Variants in GALNT13 observed in about 807,000 individuals in gnomAD.
GALNT13 encodes polypeptide N-acetylgalactosaminyltransferase 13.
Under a neutral mutation model 64.2 loss-of-function variants are expected in GALNT13, and 28 were observed. The ratio of observed to expected loss-of-function variants is 0.44; its 90% confidence interval spans 0.32 to 0.60. The LOEUF is 0.60. Among genes scored for constraint, GALNT13 ranks in the 20% least tolerant of loss-of-function variants. The probability of loss-of-function intolerance (pLI) is 0.05; values close to 1 mark genes in which losing one functional copy is unlikely to be tolerated. For synonymous variants in GALNT13, 214 were observed against 224.6 expected, an observed-to-expected ratio of 0.95 and a Z score of 0.42; for missense variants, 577 against 669.8, an observed-to-expected ratio of 0.86 and a Z score of 1.53.
At chr2:153,783,754 G>C in the GALNT13 span, among the ~76,000 whole-genome samples, 8 of 152,066 alleles carry the variant, frequency 5.3e-5, no homozygotes, top group African/African-American at 1.7e-4. Context: ...CTTTATAAAG[G>C]GCTTTTCCCT....
the GALNT13 span, among the ~76,000 whole-genome samples, chr2:153,116,423 A>G: frequency 6.6e-6 from 1 of 152,182 alleles, no homozygotes; most frequent in African/African-American, 2.4e-5. Context: ...TTGGTCATTT[A>G]TTCCAATTAT....
At chr2:153,634,352 T>A in the GALNT13 span, among the ~76,000 whole-genome samples, 1 of 152,060 alleles carries the variant, frequency 6.6e-6, no homozygotes, top group East Asian at 1.9e-4. Context: ...ATGTAGTACA[T>A]GTCTATTCAA....
chr2:153,735,589 C>T, the GALNT13 span, among the ~76,000 whole-genome samples: 2 of 152,122 alleles, frequency 1.3e-5, no homozygotes, highest in Non-Finnish European at 2.9e-5. Context: ...CCCCAGTTGT[C>T]CTAACAAGGG....
chr2:153,366,727 AC>A, the GALNT13 span, among the ~76,000 whole-genome samples: 26 of 83,072 alleles, frequency 3.1e-4, no homozygotes, highest in African/African-American at 1.2e-3. Flanking sequence ...AGGGACACAC[AC>A]ACACACACAC....
the GALNT13 span, among the ~76,000 whole-genome samples, chr2:153,743,931 T>C: frequency 6.6e-6 from 1 of 152,150 alleles, no homozygotes; most frequent in Admixed American, 6.6e-5. Context: ...CCTGTTCGTC[T>C]TCCTGTGCCT....
At chr2:154,293,023 C>T (rs955373909) in intron 8 of GALNT13, among the ~76,000 whole-genome samples, 4 of 152,130 alleles carry the variant, frequency 2.6e-5, no homozygotes, top group Non-Finnish European at 4.4e-5. Flanking sequence ...CATCATAAGA[C>T]ATTTATAAAA....
chr2:153,166,409 C>T, the GALNT13 span, among the ~76,000 whole-genome samples: 1 of 152,088 alleles, frequency 6.6e-6, no homozygotes, highest in African/African-American at 2.4e-5. Context: ...TGAGAAAAAC[C>T]AGGAATTGTA....
At chr2:153,492,156 C>G in the GALNT13 span, among the ~76,000 whole-genome samples, 1 of 152,304 alleles carries the variant, frequency 6.6e-6, no homozygotes, top group Non-Finnish European at 1.5e-5. Flanking sequence ...TGAGTCTTCT[C>G]AAATCCAACC....
At chr2:153,905,623 T>G (rs1688507659) in intron 2 of GALNT13, among the ~76,000 whole-genome samples, 1 of 152,096 alleles carries the variant, frequency 6.6e-6, no homozygotes, top group South Asian at 2.1e-4. Flanking sequence ...TGGTCATAAC[T>G]TTCATAGTTT....
intron 4 of GALNT13, among the ~76,000 whole-genome samples, chr2:154,202,083 A>C (rs1687200261): frequency 6.6e-6 from 1 of 152,084 alleles, no homozygotes; most frequent in East Asian, 1.9e-4. Flanking sequence ...TGAAACACCT[A>C]CTTTGTGCCT....
chr2:153,883,046 A>G (rs1686889645), intron 1 of GALNT13, among the ~76,000 whole-genome samples: 1 of 145,882 alleles, frequency 6.9e-6, no homozygotes, highest in South Asian at 2.2e-4. Context: ...TTTTATATAT[A>G]TATCTATATA....
At chr2:153,197,990 C>G in the GALNT13 span, among the ~76,000 whole-genome samples, 24 of 152,172 alleles carry the variant, frequency 1.6e-4, no homozygotes, top group Non-Finnish European at 2.9e-4. Context: ...CACTGTACCT[C>G]CCTTGGCCCT....
chr2:153,279,276 C>G, the GALNT13 span, among the ~76,000 whole-genome samples: 2 of 152,070 alleles, frequency 1.3e-5, no homozygotes, highest in South Asian at 4.1e-4. Flanking sequence ...TTTGGGATTT[C>G]TAGGTATAGA....
In GALNT13 at chr2:154,452,132, AC is replaced by A. The variant is rs1701895205; in HGVS notation, c.*1583del. ...GTACAACTGTAGGGAAGAATCTACA[AC>A]CTGGAGCATTTCAGGTTTGCTCTTT... On this transcript the variant is annotated 3_prime_UTR_variant, in exon 13 of 13. Transcript: ENST00000392825. 6.6e-6 allele frequency: 1 copy of A among 152,074 alleles called. No individual in the cohort carries two copies. The highest frequency in any genetic ancestry group is 6.6e-5 in the Admixed American group (1 of 15,230). The allele number at this position is 152,074 out of a possible 1,614,324, so 9.4% of individuals were successfully genotyped here.
intron 2 of GALNT13, among the ~76,000 whole-genome samples, chr2:153,910,383 A>C (rs959518913): frequency 2.6e-5 from 4 of 152,066 alleles, no homozygotes; most frequent in Admixed American, 6.6e-5. Flanking sequence ...TCAAAATGCC[A>C]ACTCCTGGAT....
chr2:153,658,107 C>T, the GALNT13 span, among the ~76,000 whole-genome samples: 2 of 152,116 alleles, frequency 1.3e-5, no homozygotes, highest in Non-Finnish European at 2.9e-5. Context: ...TCTCAGGGTT[C>T]TGAATTCTCA....
chr2:154,025,080 G>T (rs955309279), intron 3 of GALNT13, among the ~76,000 whole-genome samples: 2 of 152,158 alleles, frequency 1.3e-5, no homozygotes. Flanking sequence ...GTACCCAGCC[G>T]TGTAAGTTGT....
At chr2:153,269,500 A>G in the GALNT13 span, among the ~76,000 whole-genome samples, 8 of 152,150 alleles carry the variant, frequency 5.3e-5, no homozygotes, top group African/African-American at 1.7e-4. Context: ...ACCATTCAAC[A>G]AGTCTCTAGG....
At chr2:153,744,636 C>T in the GALNT13 span, among the ~76,000 whole-genome samples, 1 of 152,142 alleles carries the variant, frequency 6.6e-6, no homozygotes, top group Admixed American at 6.5e-5. Flanking sequence ...ATGGGAAATT[C>T]CAGGTTGTTT....
Sources: allele counts gnomAD v4.1 joint callset (sites outside exome capture counted in the v4.1 genomes callset), GRCh38; gene constraint gnomAD v4.1.1; transcripts MANE v1.5; gene names NCBI Gene and HGNC (gene_info 2026-07-23, HGNC 2026-07-21).